Variants in NECTIN1 observed in about 807,000 individuals in gnomAD.
NECTIN1 encodes the protein nectin-1.
Under a neutral mutation model 48.0 loss-of-function variants are expected in NECTIN1, and 23 were observed. The ratio of observed to expected loss-of-function variants is 0.48; its 90% CI spans 0.34 to 0.68. NECTIN1 has a LOEUF of 0.68. NECTIN1 is among the 30% of genes least tolerant of loss of function. The pLI is 0.01. For missense variants in NECTIN1, 591 were observed against 709.9 expected, an observed-to-expected ratio of 0.83 and a Z score of 1.90; for synonymous variants, 270 against 288.9, an observed-to-expected ratio of 0.93 and a Z score of 0.66.
intron 5 of NECTIN1, among the ~76,000 whole-genome samples, chr11:119,644,338 G>T (rs1467572052): frequency 6.6e-6 from 1 of 152,164 alleles, no homozygotes; most frequent in Non-Finnish European, 1.5e-5. Flanking sequence ...TCGTGGTTTG[G>T]GAGCCCGAGG....
At chr11:119,704,447 C>T (rs1865512652) in intron 1 of NECTIN1, among the ~76,000 whole-genome samples, 1 of 152,102 alleles carries the variant, frequency 6.6e-6, no homozygotes, top group South Asian at 2.1e-4. Context: ...GAACTCCTGA[C>T]CTCAAGTGAT....
chr11:119,717,759 C>A (rs529432482), intron 1 of NECTIN1, among the ~76,000 whole-genome samples: 1 of 152,210 alleles, frequency 6.6e-6, no homozygotes, highest in Non-Finnish European at 1.5e-5. Flanking sequence ...GGGAGCCCGG[C>A]AGGCACCTGC....
rs1864996784 is a variant in NECTIN1, at chr11:119,678,342, G to A, written c.430+73C>T. 7.4e-7 allele frequency: 1 copy of A among 1,357,760 alleles called. No individual in the cohort carries two copies. The highest frequency in any genetic ancestry group is 1.1e-6 in the Non-Finnish European group (1 of 950,270). The allele number at this position is 1,357,760 out of a possible 1,614,324, so 84.1% of individuals were successfully genotyped here. On this transcript the variant is annotated intron_variant, in intron 2 of 5. Coordinates refer to ENST00000264025, the MANE Select transcript of NECTIN1 (RefSeq NM_002855.5). The surrounding 1 kb of genome is among the most constrained non-coding windows in gnomAD (Gnocchi z 4.4). The stretch of plus-strand genomic sequence containing the variant: ...AAGGGGGATGTCTGGGGTCATTGAG[G>A]CATCCTGAGGATGGCCACGCCCCGA...
intron 5 of NECTIN1, among the ~76,000 whole-genome samples, chr11:119,670,821 T>C (rs1864852368): frequency 6.6e-6 from 1 of 151,860 alleles, no homozygotes; most frequent in South Asian, 2.1e-4. Flanking sequence ...TAATATTTTG[T>C]AGAGACGGGG....
At chr11:119,643,129 C>T (rs1313062314) in intron 5 of NECTIN1, 1 of 153,762 alleles carries the variant, frequency 6.5e-6, no homozygotes, top group African/African-American at 2.4e-5. Flanking sequence ...CCCTCACTCC[C>T]TGTCCCACCC....
chr11:119,657,717 T>C (rs962628791), downstream of NECTIN1, among the ~76,000 whole-genome samples: 2 of 143,960 alleles, frequency 1.4e-5, no homozygotes, highest in African/African-American at 2.6e-5. Flanking sequence ...CTGGGTAACA[T>C]AGGGAGACCC....
intron 7 of NECTIN1, chr11:119,638,633 G>C: frequency 2.7e-6 from 3 of 1,117,498 alleles, no homozygotes; most frequent in Non-Finnish European, 2.6e-6. Context: ...AAGGCGTGGC[G>C]GCTCTGTCTT....
At chr11:119,675,879 G>T (rs908236381) in intron 4 of NECTIN1, among the ~76,000 whole-genome samples, 1 of 152,130 alleles carries the variant, frequency 6.6e-6, no homozygotes, top group Non-Finnish European at 1.5e-5. Flanking sequence ...GGTGGTGCAC[G>T]CCTGTAGTCC....
At chr11:119,697,016 C>T (rs1469771059) in intron 1 of NECTIN1, among the ~76,000 whole-genome samples, 1 of 152,142 alleles carries the variant, frequency 6.6e-6, no homozygotes, top group Non-Finnish European at 1.5e-5. Context: ...GAGGCCTGCC[C>T]ACTCTGTGTG....
intron 1 of NECTIN1, among the ~76,000 whole-genome samples, chr11:119,688,028 C>T (rs1320385070): frequency 2.6e-5 from 4 of 151,818 alleles, no homozygotes; most frequent in East Asian, 1.9e-4. Flanking sequence ...AACATGGCAG[C>T]GGGGGGAGGG....
chr11:119,681,174 C>G (rs965928952), intron 1 of NECTIN1, among the ~76,000 whole-genome samples: 5 of 152,374 alleles, frequency 3.3e-5, no homozygotes, highest in Admixed American at 2.0e-4. Context: ...CCTAGGCCCT[C>G]TCCAGCAGGA....
At chr11:119,685,592 T>C (rs1865141990) in intron 1 of NECTIN1, among the ~76,000 whole-genome samples, 1 of 152,204 alleles carries the variant, frequency 6.6e-6, no homozygotes, top group Non-Finnish European at 1.5e-5. Context: ...TGAGGACACC[T>C]GGATTCTGTC....
chr11:119,715,708 C>T (rs10892441), intron 1 of NECTIN1, among the ~76,000 whole-genome samples: 51,503 of 152,002 alleles, frequency 0.34, 9,527 homozygotes, highest in East Asian at 0.43. Flanking sequence ...CAGGCCCCTG[C>T]CTAGTGTCAC....
At chr11:119,695,346 T>A (rs983538950) in intron 1 of NECTIN1, among the ~76,000 whole-genome samples, 19 of 95,216 alleles carry the variant, frequency 2.0e-4, no homozygotes, top group African/African-American at 7.8e-4. Flanking sequence ...AGTGGAAAAC[T>A]CCTACCCACC....
At chr11:119,651,730 T>C (rs191458014) in intron 5 of NECTIN1, among the ~76,000 whole-genome samples, 1 of 152,228 alleles carries the variant, frequency 6.6e-6, no homozygotes, top group Admixed American at 6.5e-5. Context: ...CCCAGGCACC[T>C]GGGCTCAGGA....
chr11:119,667,768 G>C (rs1037513993), intron 5 of NECTIN1, among the ~76,000 whole-genome samples: 1 of 152,106 alleles, frequency 6.6e-6, no homozygotes, highest in Non-Finnish European at 1.5e-5. Flanking sequence ...TTCTTTCCTA[G>C]TGACAGACTA....
chr11:119,651,254 G>A (rs1250498483), intron 5 of NECTIN1, among the ~76,000 whole-genome samples: 3 of 152,158 alleles, frequency 2.0e-5, no homozygotes, highest in Non-Finnish European at 4.4e-5. Context: ...GAGCCTGCAG[G>A]AAGGCCAACA....
intron 5 of NECTIN1, among the ~76,000 whole-genome samples, chr11:119,653,865 A>G (rs1430593724): frequency 6.6e-6 from 1 of 152,178 alleles, no homozygotes. Flanking sequence ...TATATGAACT[A>G]TCTTTATTCA....
At chr11:119,699,553 G>A (rs1383725019) in intron 1 of NECTIN1, among the ~76,000 whole-genome samples, 1 of 152,210 alleles carries the variant, frequency 6.6e-6, no homozygotes, top group Non-Finnish European at 1.5e-5. Context: ...GCACGGCTGG[G>A]CCTCGAGGCC....
Sources: gnomAD v4.1 joint callset for allele counts (sites outside exome capture counted in the v4.1 genomes callset) on GRCh38, gnomAD v4.1.1 for gene constraint, Gnocchi (gnomAD v3.1) non-coding constraint, MANE v1.5 for transcripts, NCBI Gene and HGNC (gene_info 2026-07-23, HGNC 2026-07-21) for gene names.